CERS4: variants seen among roughly 807,000 people sequenced by gnomAD.
CERS4 encodes the protein LAG1 homolog, ceramide synthase 4.
A neutral mutation model predicts 51.8 loss-of-function variants in CERS4; 65 were observed. The ratio of observed to expected loss-of-function variants is 1.26; its 90% CI spans 1.03 to 1.54. The LOEUF is 1.54. Among genes scored for constraint, CERS4 ranks in the 40% most tolerant of loss-of-function variants. CERS4 has a pLI of 0.00. For synonymous variants in CERS4, 228 were observed against 208.4 expected (o/e 1.09, Z -0.81); for missense variants, 563 against 500.4 (o/e 1.13, Z -1.19).
At chr19:8,250,198 C>T (rs747933266) in intron 2 of CERS4, among the ~76,000 whole-genome samples, 28 of 150,926 alleles carry the variant, frequency 1.9e-4, no homozygotes, top group Admixed American at 5.9e-4. Flanking sequence ...TGGTCTCAAA[C>T]TCCTGACCTG....
intron 2 of CERS4, among the ~76,000 whole-genome samples, chr19:8,245,102 A>G (rs1968700563): frequency 2.8e-5 from 2 of 72,004 alleles, no homozygotes; most frequent in Non-Finnish European, 4.2e-5. Context: ...ACCGAGCGAG[A>G]CTCCATCTCA....
At chr19:8,254,233 G>A (rs1418192486) in intron 3 of CERS4, among the ~76,000 whole-genome samples, 3 of 146,278 alleles carry the variant, frequency 2.1e-5, no homozygotes, top group Non-Finnish European at 4.5e-5. Flanking sequence ...TGAGGCAGGA[G>A]AATGGCGTGA....
chr19:8,247,563 A>G (rs12977774), intron 2 of CERS4, among the ~76,000 whole-genome samples: 4,251 of 152,010 alleles, frequency 0.028, 103 homozygotes, highest in Non-Finnish European at 0.043. Context: ...AGAACTACAG[A>G]TACGTGCCAG....
chr19:8,257,864 T>C lies in CERS4; in HGVS notation c.742-15T>C. The stretch of plus-strand genomic sequence containing the variant: ...CCCTGGTCCTGAGCCCATTTCTCCC[T>C]GCTGCCCTTTCCAGGCCTGTAAGAT... On this transcript the variant is annotated splice_polypyrimidine_tract_variant and intron_variant, in intron 9 of 11. Coordinates refer to ENST00000251363, the MANE Select transcript of CERS4 (RefSeq NM_024552.3). 1.2e-6 allele frequency: 2 copies of C among 1,607,958 alleles called. No individual in the cohort carries two copies. The highest frequency in any genetic ancestry group is 1.7e-6 in the Non-Finnish European group (2 of 1,174,946).
chr19:8,255,321 G>A (rs896566388), intron 4 of CERS4, among the ~76,000 whole-genome samples: 1 of 152,158 alleles, frequency 6.6e-6, no homozygotes, highest in African/African-American at 2.4e-5. Context: ...GGGACGCAGG[G>A]AAGCCTATCC....
In CERS4 at chr19:8,251,152, G is replaced by A. The variant is rs140888101; in HGVS notation, c.76G>A (p.Glu26Lys). ...ACCCAATGTCACGTGGACAGAGCTA[G>A]AAGACCGGGATGGCCGTGTCTACCC... ...LPPNVTWTEL[E>K]DRDGRVYPHP... is the part of the protein sequence containing the mutation. Residue 26 changes from glutamate (E) to lysine (K), a missense_variant, in exon 3 of 12, where the codon GAA (glutamate) becomes AAA (lysine). Glu to Lys is a moderately conservative substitution (Grantham distance 56, BLOSUM62 1). Transcript: ENST00000251363. The A allele has an allele frequency of 1.2e-6, 2 of 1,613,406 alleles. No individual in the cohort carries two copies. Among genetic ancestry groups the A allele is most frequent in the Admixed American group, 1.7e-5 (1 of 59,868 alleles).
chr19:8,218,975 G>A (rs1375038677), intron 2 of CERS4, among the ~76,000 whole-genome samples: 1 of 152,288 alleles, frequency 6.6e-6, no homozygotes, highest in East Asian at 1.9e-4. Context: ...GGGAGGCCGA[G>A]GCGGGAGGAT....
chr19:8,240,614 G>GTGTGTT (rs148847272), intron 2 of CERS4: 2 of 152,400 alleles, frequency 1.3e-5, no homozygotes, highest in Non-Finnish European at 2.9e-5. Flanking sequence ...GTGTGTGTGT[G>GTGTGTT]TTTTCATCTC....
intron 2 of CERS4, among the ~76,000 whole-genome samples, chr19:8,229,847 C>G (rs776254261): frequency 1.3e-5 from 2 of 152,222 alleles, no homozygotes; most frequent in Non-Finnish European, 2.9e-5. Context: ...GCTGGGACTA[C>G]AGGCATGTGC....
chr19:8,218,068 G>A (rs1311132923), intron 2 of CERS4, among the ~76,000 whole-genome samples: 3 of 151,956 alleles, frequency 2.0e-5, no homozygotes, highest in Non-Finnish European at 4.4e-5. Flanking sequence ...GGGTTCAAGC[G>A]ATTCTACTGC....
chr19:8,262,059 C>T lies in CERS4; in HGVS notation c.1135C>T (p.Arg379Trp), dbSNP rs761154765. Reference protein sequence around the residue: ...GPRPAPTDGPRSRVAGRLTNR... With the variant: ...GPRPAPTDGPWSRVAGRLTNR... The stretch of plus-strand genomic sequence containing the variant: ...CAGGCCAGCCCCCACTGATGGCCCT[C>T]GGAGCCGGGTGGCCGGGCGTCTGAC... Residue 379 changes from arginine to tryptophan, a missense_variant, in exon 12 of 12, where the codon CGG (arginine) becomes TGG (tryptophan). Transcript: ENST00000251363. 3.3e-6 allele frequency: 5 copies of T among 1,536,208 alleles called. No homozygotes were observed. Among genetic ancestry groups the T allele is most frequent in the South Asian group, 1.3e-5 (1 of 78,930 alleles).
chr19:8,255,928 G>T, intron 6 of CERS4, 49 bp downstream of exon 6: 1 of 1,591,198 alleles, frequency 6.3e-7, no homozygotes, highest in Non-Finnish European at 8.6e-7. Flanking sequence ...CATCCACCTG[G>T]CCTAGATCTG....
At chr19:8,221,550 T>A (rs1040170821) in intron 2 of CERS4, among the ~76,000 whole-genome samples, 2 of 149,506 alleles carry the variant, frequency 1.3e-5, no homozygotes, top group South Asian at 2.1e-4. Context: ...TTTTTTTTCT[T>A]ATTTTTTTTT....
At chr19:8,223,646 C>T (rs997647055) in intron 2 of CERS4, among the ~76,000 whole-genome samples, 8 of 151,704 alleles carry the variant, frequency 5.3e-5, no homozygotes, top group South Asian at 2.1e-4. Flanking sequence ...ATTAGCCGGG[C>T]GTGGCAGTGC....
chr19:8,232,889 ATTTTTTTTTTTT>A (rs34774744), intron 2 of CERS4, among the ~76,000 whole-genome samples: 6 of 59,228 alleles, frequency 1.0e-4, no homozygotes, highest in Admixed American at 2.1e-4. Context: ...TGCCTCGCTG[ATTTTTTTTTTTT>A]TTTTTTTTTT....
chr19:8,240,264 A>C (rs1289415478), intron 2 of CERS4, among the ~76,000 whole-genome samples: 1 of 152,030 alleles, frequency 6.6e-6, no homozygotes, highest in Non-Finnish European at 1.5e-5. Flanking sequence ...TGTGTGCAGA[A>C]ATAAGGGGCT....
In CERS4 at chr19:8,230,386, C is replaced by T. The variant is rs1011324424; in HGVS notation, c.-2+19524C>T. ...TGTATTTTTATTAGAGAGAGGGTTT[C>T]ATCATGTTGGCCAGGCTGGTTTCAA... On this transcript the variant is annotated intron_variant, in intron 2 of 11. Coordinates refer to ENST00000251363, the MANE Select transcript of CERS4 (RefSeq NM_024552.3). Among the ~76,000 whole-genome samples the T allele has an allele frequency of 2.6e-5, 4 of 152,038 alleles. No individual in the cohort carries two copies. The East Asian group carries it at 5.8e-4, about 22-fold the overall frequency.
At chr19:8,212,674 T>C (rs374707761) in intron 2 of CERS4, among the ~76,000 whole-genome samples, 12 of 152,244 alleles carry the variant, frequency 7.9e-5, no homozygotes, top group African/African-American at 2.9e-4. Flanking sequence ...GTTTCGTTCT[T>C]GTCGCCCAGG....
intron 2 of CERS4, chr19:8,250,816 A>G (rs559597624): frequency 8.2e-7 from 1 of 1,224,022 alleles, no homozygotes; most frequent in East Asian, 3.8e-5. Flanking sequence ...GCCTGAGGAC[A>G]CACAGCCCAA....
Sources: allele counts gnomAD v4.1 joint callset (sites outside exome capture counted in the v4.1 genomes callset), GRCh38; gene constraint gnomAD v4.1.1; transcripts MANE v1.5; gene names NCBI Gene and HGNC (gene_info 2026-07-23, HGNC 2026-07-21).